The following DLC1 variants were observed in gnomAD, a reference collection of about 807,000 sequenced individuals.
DLC1 encodes DLC1 Rho GTPase activating protein.
Under a neutral mutation model 140.3 loss-of-function variants are expected in DLC1, and 54 were observed. The observed-to-expected ratio is 0.38, with a 90% CI of 0.31 to 0.48. The LOEUF (loss-of-function observed/expected upper bound fraction) is 0.48. Ranked by LOEUF, DLC1 falls within the 20% of genes least tolerant of loss-of-function variation. The pLI is 0.96. For synonymous variants in DLC1, 986 were observed against 728.1 expected, an observed-to-expected ratio of 1.35 and a Z score of -5.70; for missense variants, 2,536 against 1,907.0, an observed-to-expected ratio of 1.33 and a Z score of -6.14.
At chr8:13,410,278 G>T (rs1837729359) in intron 2 of DLC1, among the ~76,000 whole-genome samples, 1 of 152,086 alleles carries the variant, frequency 6.6e-6, no homozygotes, top group South Asian at 2.1e-4. Context: ...AAGCATTGAG[G>T]ATAATGAGGA....
At chr8:13,527,440 A>G (rs1470403547) in intron 1 of DLC1, among the ~76,000 whole-genome samples, 1 of 152,178 alleles carries the variant, frequency 6.6e-6, no homozygotes, top group Non-Finnish European at 1.5e-5. Flanking sequence ...TTCCTGGGAT[A>G]AACCATCCAT....
At position 13,262,977 on chromosome 8, in the gene DLC1, T is replaced by C. The variant is rs565368702; in HGVS notation, c.1348+42292A>G. ...ATTCTAAGACATGATGGTTTGCTTA[T>C]AGAAGACATTTTAAAAATGAAGTGT... On this transcript the variant is annotated intron_variant, in intron 5 of 17. Coordinates refer to ENST00000276297, the MANE Select transcript of DLC1 (RefSeq NM_182643.3). Among the ~76,000 whole-genome samples, 13 of 152,370 alleles carry C rather than the reference T, an allele frequency of 8.5e-5. No homozygotes were observed. The South Asian group carries it at 1.0e-3, about 12-fold the overall frequency.
chr8:13,330,617 C>A (rs1181311624), intron 4 of DLC1, among the ~76,000 whole-genome samples: 1 of 152,166 alleles, frequency 6.6e-6, no homozygotes, highest in Admixed American at 6.5e-5. Flanking sequence ...TAATCAAGGG[C>A]CTTCCTATCA....
rs79002757 is a variant in DLC1 at position 13,545,154 on chromosome 8, C to T, written c.-125-44958G>A. On this transcript the variant is annotated intron_variant, in intron 1 of 1. Transcript: ENST00000631382. ...AAATTTAAACTGCAACATTTATGAA[C>T]AAAATATTTGAGTTCACAAAAGAAC... Among the ~76,000 whole-genome samples, 977 of 151,908 alleles carry T rather than the reference C, an allele frequency of 6.4e-3. 13 individuals are homozygous for T. The highest frequency in any genetic ancestry group is 0.023 in the African/African-American group (950 of 41,448).
At chr8:13,194,103 C>T (rs540065857) in intron 5 of DLC1, among the ~76,000 whole-genome samples, 40 of 152,260 alleles carry the variant, frequency 2.6e-4, no homozygotes, top group African/African-American at 8.9e-4. Context: ...AATCTGCATT[C>T]GCTACCCACA....
chr8:13,579,049 A>G (rs1804948344), intron 1 of DLC1, among the ~76,000 whole-genome samples: 1 of 151,354 alleles, frequency 6.6e-6, no homozygotes. Context: ...ACTAGAACAA[A>G]AGAGACTCCT....
rs187976631 is a variant in DLC1 at position 13,523,866 on chromosome 8, T to A, written c.-125-23670A>T. On this transcript the variant is annotated intron_variant, in intron 1 of 1. Coordinates refer to the DLC1 transcript ENST00000631382. ...AAATTTTGTTCTGTTCTTTTTTTTT[T>A]AAATTAATATGGTATGTTCCCAAGG... 2.2e-3 allele frequency among the ~76,000 whole-genome samples: 339 copies of A among 151,710 alleles called. 5 individuals carry two copies. Among genetic ancestry groups the A allele is most frequent in the African/African-American group, 7.2e-3 (297 of 41,440 alleles).
At chr8:13,319,703 C>T (rs1273943083) in intron 4 of DLC1, among the ~76,000 whole-genome samples, 3 of 152,092 alleles carry the variant, frequency 2.0e-5, no homozygotes, top group Non-Finnish European at 2.9e-5. Context: ...GCCAATTAAA[C>T]CTCTTTTCTT....
intron 1 of DLC1, among the ~76,000 whole-genome samples, chr8:13,526,335 C>A (rs1386390357): frequency 2.0e-5 from 3 of 152,076 alleles, no homozygotes; most frequent in Non-Finnish European, 4.4e-5. Context: ...ATCAGCTTGT[C>A]CATTTCTGTA....
intron 2 of DLC1, among the ~76,000 whole-genome samples, chr8:13,425,263 T>C (rs946923030): frequency 6.6e-6 from 1 of 152,134 alleles, no homozygotes; most frequent in African/African-American, 2.4e-5. Flanking sequence ...ATTAACCACA[T>C]GTTAGTGTTG....
At chr8:13,179,028 C>T (rs1034074437) in intron 5 of DLC1, among the ~76,000 whole-genome samples, 1 of 151,962 alleles carries the variant, frequency 6.6e-6, no homozygotes, top group Non-Finnish European at 1.5e-5. Flanking sequence ...ATACAAATGC[C>T]CATCAACAAT....
chr8:13,599,383 T>C (rs1013936164), intron 1 of DLC1, among the ~76,000 whole-genome samples: 9 of 151,958 alleles, frequency 5.9e-5, no homozygotes, highest in Admixed American at 4.6e-4. Context: ...TACAAATCAA[T>C]ATCTATGGGA....
chr8:13,348,426 CAT>C (rs1227702205), intron 4 of DLC1, among the ~76,000 whole-genome samples: 4 of 152,126 alleles, frequency 2.6e-5, no homozygotes, highest in Non-Finnish European at 5.9e-5. Context: ...GAAATTTAAA[CAT>C]GTGACATTGA....
intron 5 of DLC1, among the ~76,000 whole-genome samples, chr8:13,263,279 C>T (rs549231584): frequency 1.1e-4 from 17 of 152,188 alleles, no homozygotes; most frequent in African/African-American, 3.9e-4. Flanking sequence ...AAGTGGTTAT[C>T]TCTGAATTAC....
chr8:13,467,373 C>G (rs1199651771), intron 2 of DLC1, among the ~76,000 whole-genome samples: 1 of 152,018 alleles, frequency 6.6e-6, no homozygotes, highest in Non-Finnish European at 1.5e-5. Context: ...TCTTCCCCTC[C>G]CCTCCTCTCC....
upstream of DLC1, among the ~76,000 whole-genome samples, chr8:13,518,690 AT>A (rs1419291881): frequency 2.0e-5 from 3 of 152,190 alleles, no homozygotes; most frequent in Admixed American, 2.0e-4. Flanking sequence ...TATGTTTTCC[AT>A]TTTTGTTAAT....
chr8:13,442,292 G>T (rs1378268299), intron 2 of DLC1, among the ~76,000 whole-genome samples: 1 of 152,160 alleles, frequency 6.6e-6, no homozygotes, highest in African/African-American at 2.4e-5. Flanking sequence ...ACATAGGCAT[G>T]GGCAAGGACT....
chr8:13,570,173 T>G (rs1343013088), intron 1 of DLC1, among the ~76,000 whole-genome samples: 1 of 152,200 alleles, frequency 6.6e-6, no homozygotes. Flanking sequence ...CTGGCCCAAC[T>G]TTACCTTTCT....
chr8:13,131,205 T>C (rs7824944), intron 5 of DLC1, among the ~76,000 whole-genome samples: 58,752 of 151,974 alleles, frequency 0.39, 11,814 homozygotes, highest in Admixed American at 0.52. Context: ...TGCAAATTAT[T>C]TCCACCGAGG....
Sources: allele counts gnomAD v4.1 joint callset (sites outside exome capture counted in the v4.1 genomes callset), GRCh38; gene constraint gnomAD v4.1.1; transcripts MANE v1.5; gene names NCBI Gene and HGNC (gene_info 2026-07-23, HGNC 2026-07-21).